The following PWWP2B variants were observed in gnomAD, a reference collection of about 807,000 sequenced individuals.
The protein encoded by PWWP2B is PWWP domain containing 2B, also known as PWWP domain-containing protein 2B.
Under a neutral mutation model 15.5 loss-of-function variants are expected in PWWP2B, and 9 were observed. The observed-to-expected ratio is 0.58, with a 90% confidence interval of 0.35 to 1.02. The LOEUF is 1.02. Among genes scored for constraint, PWWP2B ranks in the 50% least tolerant of loss-of-function variants. PWWP2B has a pLI of 0.02. For missense variants in PWWP2B, 864 were observed against 865.3 expected (o/e 1.00, Z 0.02); for synonymous variants, 474 against 403.6 (o/e 1.17, Z -2.09).
At chr10:132,403,862 G>GGTGT (rs1554906513) in intron 1 of PWWP2B, among the ~76,000 whole-genome samples, 3 of 152,076 alleles carry the variant, frequency 2.0e-5, no homozygotes, top group South Asian at 2.1e-4. Flanking sequence ...GAGGGTGCCA[G>GGTGT]GTGGGCAGAT....
intron 2 of PWWP2B, among the ~76,000 whole-genome samples, chr10:132,415,284 TCACA>T (rs762845811): frequency 9.0e-5 from 11 of 122,192 alleles, no homozygotes; most frequent in East Asian, 2.5e-4. Context: ...ACATCCACTC[TCACA>T]CACATATCCA....
intron 1 of PWWP2B, among the ~76,000 whole-genome samples, chr10:132,399,601 C>T (rs1003652334): frequency 2.0e-5 from 3 of 152,264 alleles, no homozygotes; most frequent in Admixed American, 2.0e-4. Context: ...TGTCAGCCTG[C>T]GTGTACATCT....
intron 2 of PWWP2B, among the ~76,000 whole-genome samples, chr10:132,415,729 ACTCACACACATC>A (rs2069844530): frequency 6.7e-6 from 1 of 149,546 alleles, no homozygotes; most frequent in African/African-American, 2.6e-5. Flanking sequence ...ACACACATCC[ACTCACACACATC>A]CACACACACA....
At chr10:132,403,198 T>C (rs1265717908) in intron 1 of PWWP2B, among the ~76,000 whole-genome samples, 2 of 152,126 alleles carry the variant, frequency 1.3e-5, no homozygotes, top group Non-Finnish European at 2.9e-5. Flanking sequence ...TGGCGCTCAC[T>C]CTGACCACCC....
At chr10:132,413,036 C>T (rs1219596417) in intron 2 of PWWP2B, among the ~76,000 whole-genome samples, 1 of 152,246 alleles carries the variant, frequency 6.6e-6, no homozygotes, top group Non-Finnish European at 1.5e-5. Flanking sequence ...CATCTGGGCT[C>T]ACTGTGCGTT....
At chr10:132,415,366 TCACA>T (rs1228914366) in intron 2 of PWWP2B, among the ~76,000 whole-genome samples, 1 of 130,598 alleles carries the variant, frequency 7.7e-6, no homozygotes, top group African/African-American at 2.9e-5. Context: ...CCACTCACTG[TCACA>T]CACGTCACTC....
chr10:132,413,649 C>T (rs965515563), intron 2 of PWWP2B, among the ~76,000 whole-genome samples: 4 of 152,262 alleles, frequency 2.6e-5, no homozygotes, highest in Non-Finnish European at 4.4e-5. Flanking sequence ...TTCCTGTGGC[C>T]GCATCTGGGC....
chr10:132,397,644 C>T (rs1348543025), intron 1 of PWWP2B, among the ~76,000 whole-genome samples: 1 of 151,944 alleles, frequency 6.6e-6, no homozygotes, highest in Non-Finnish European at 1.5e-5. Context: ...ATAATTAATG[C>T]ACTTTTCTTT....
intron 2 of PWWP2B, among the ~76,000 whole-genome samples, chr10:132,415,659 ACT>A (rs751938356): frequency 2.8e-5 from 4 of 144,864 alleles, no homozygotes; most frequent in Non-Finnish European, 5.9e-5. Context: ...ACACACATGC[ACT>A]CACACACTCA....
At chr10:132,401,329 G>C (rs2069612914) in intron 1 of PWWP2B, among the ~76,000 whole-genome samples, 1 of 152,142 alleles carries the variant, frequency 6.6e-6, no homozygotes, top group South Asian at 2.1e-4. Context: ...TTCTGTCCCT[G>C]AGCTCGCAAG....
chr10:132,413,237 A>G (rs2069804844), intron 2 of PWWP2B, among the ~76,000 whole-genome samples: 2 of 152,286 alleles, frequency 1.3e-5, no homozygotes, highest in African/African-American at 4.8e-5. Context: ...ATATATCTAT[A>G]TCAACATGTA....
intron 1 of PWWP2B, among the ~76,000 whole-genome samples, chr10:132,403,234 C>T (rs564278091): frequency 1.6e-4 from 24 of 152,330 alleles, no homozygotes; most frequent in East Asian, 3.9e-4. Flanking sequence ...CAGAACCCCC[C>T]GCCCCGTGTT....
At chr10:132,397,568 C>G (rs1389271543) in intron 1 of PWWP2B, among the ~76,000 whole-genome samples, 2 of 143,990 alleles carry the variant, frequency 1.4e-5, no homozygotes, top group African/African-American at 2.6e-5. Flanking sequence ...TCGGGGCGGG[C>G]GCCGGGCCGG....
intron 1 of PWWP2B, among the ~76,000 whole-genome samples, chr10:132,399,081 TCCA>T (rs2133144033): frequency 6.7e-6 from 1 of 150,020 alleles, no homozygotes; most frequent in South Asian, 2.1e-4. Flanking sequence ...AGCCTGAGTC[TCCA>T]GCCGGTTCTC....
intron 1 of PWWP2B, among the ~76,000 whole-genome samples, chr10:132,398,816 C>T (rs28550495): frequency 0.11 from 16,300 of 152,272 alleles, 1,563 homozygotes; most frequent in African/African-American, 0.25. Flanking sequence ...CCCACGGAGC[C>T]GGGCGCTGGG....
chr10:132,410,934 G>GC (rs1260955870), intron 2 of PWWP2B, among the ~76,000 whole-genome samples: 3 of 152,152 alleles, frequency 2.0e-5, no homozygotes, highest in Non-Finnish European at 4.4e-5. Flanking sequence ...TCCTGCCCTG[G>GC]CAGGGGACTT....
intron 2 of PWWP2B, 43 bp from the exon 3 acceptor site, chr10:132,417,018 C>T (rs557266102): frequency 5.6e-6 from 9 of 1,611,970 alleles, no homozygotes; most frequent in East Asian, 2.2e-5. Context: ...CCCCCATACT[C>T]GACCCTGAGT....
chr10:132,417,172 C>G lies in PWWP2B; in HGVS notation c.*128C>G. The G allele has an allele frequency of 6.8e-7, 1 of 1,468,550 alleles. No individual in the cohort carries two copies. Among genetic ancestry groups the G allele is most frequent in the Non-Finnish European group, 9.5e-7 (1 of 1,051,184 alleles). 91.0% of individuals were successfully genotyped at this position (1,468,550 alleles called of 1,614,324 possible). On this transcript the variant is annotated 3_prime_UTR_variant, in exon 3 of 3. Transcript: ENST00000305233. ...AGAGCCCACTGGGCACGGTGGTCGGCCTGGTGTGAGGCCCCCCGGGGACCG... is the reference window on the plus strand; with the variant it reads ...AGAGCCCACTGGGCACGGTGGTCGGGCTGGTGTGAGGCCCCCCGGGGACCG...
chr10:132,415,147 T>G (rs1331631903), intron 2 of PWWP2B, among the ~76,000 whole-genome samples: 1 of 152,074 alleles, frequency 6.6e-6, no homozygotes, highest in Non-Finnish European at 1.5e-5. Flanking sequence ...AGTTAAGGGC[T>G]TTTTCTATGG....
Sources: allele counts gnomAD v4.1 joint callset (sites outside exome capture counted in the v4.1 genomes callset), GRCh38; gene constraint gnomAD v4.1.1; transcripts MANE v1.5; gene names NCBI Gene and HGNC (gene_info 2026-07-23, HGNC 2026-07-21).